JAM2: variants seen among roughly 807,000 people sequenced by gnomAD.
JAM2 encodes junctional adhesion molecule B.
In JAM2, 17 loss-of-function variants were observed where a neutral mutation model predicts 42.0. That is an observed-to-expected ratio of 0.40 (90% CI 0.28 to 0.61). The LOEUF (loss-of-function observed/expected upper bound fraction) is 0.61. Among genes scored for constraint, JAM2 ranks in the 20% least tolerant of loss-of-function variants. The pLI is 0.37. For synonymous variants in JAM2, 118 were observed against 128.6 expected (o/e 0.92, Z 0.56); for missense variants, 319 against 358.3 (o/e 0.89, Z 0.89).
At chr21:25,650,479 C>T (rs1055198100) in intron 1 of JAM2, among the ~76,000 whole-genome samples, 29 of 152,150 alleles carry the variant, frequency 1.9e-4, no homozygotes, top group Admixed American at 5.9e-4. Flanking sequence ...GCTACTGCCA[C>T]CCAGGACAGC....
At chr21:25,664,141 G>A (rs1403993746) in intron 1 of JAM2, among the ~76,000 whole-genome samples, 3 of 152,152 alleles carry the variant, frequency 2.0e-5, no homozygotes, top group Non-Finnish European at 2.9e-5. Flanking sequence ...CACATTGCCT[G>A]TTTCCCATGC....
intron 6 of JAM2, among the ~76,000 whole-genome samples, chr21:25,704,219 T>C (rs2034226187): frequency 6.6e-6 from 1 of 152,172 alleles, no homozygotes; most frequent in Non-Finnish European, 1.5e-5. Flanking sequence ...TAGATTTTTT[T>C]CTCTCTCTGC....
At chr21:25,691,728 T>C (rs546659079) in intron 3 of JAM2, among the ~76,000 whole-genome samples, 37 of 152,086 alleles carry the variant, frequency 2.4e-4, no homozygotes, top group Non-Finnish European at 5.0e-4. Flanking sequence ...TTGAGCTCAA[T>C]TCTTTAAAAT....
intron 4 of JAM2, among the ~76,000 whole-genome samples, chr21:25,697,002 CACCT>C (rs1469993295): frequency 6.8e-6 from 1 of 147,636 alleles, no homozygotes; most frequent in Non-Finnish European, 1.5e-5. Flanking sequence ...AACAGGCACA[CACCT>C]ATTTTTTTTT....
intron 2 of JAM2, among the ~76,000 whole-genome samples, chr21:25,686,741 C>A (rs1369236364): frequency 1.3e-5 from 2 of 152,174 alleles, no homozygotes; most frequent in African/African-American, 4.8e-5. Context: ...AGTATCAATT[C>A]TCTTTTTGTG....
chr21:25,661,523 C>T (rs2829853), intron 1 of JAM2, among the ~76,000 whole-genome samples: 17,355 of 147,868 alleles, frequency 0.12, 1,126 homozygotes, highest in South Asian at 0.27. Context: ...AGTGTACTCA[C>T]GTATAAGCAT....
At chr21:25,692,006 C>CAA (rs71327958) in intron 3 of JAM2, among the ~76,000 whole-genome samples, 20,154 of 140,342 alleles carry the variant, frequency 0.14, 1,596 homozygotes, top group South Asian at 0.23. Flanking sequence ...AAGACTGTCT[C>CAA]AAAAAAAAAA....
At chr21:25,657,738 T>C (rs1009211116) in intron 1 of JAM2, among the ~76,000 whole-genome samples, 6 of 152,218 alleles carry the variant, frequency 3.9e-5, no homozygotes, top group Admixed American at 1.3e-4. Flanking sequence ...AATGATTATT[T>C]GTATTGTTTA....
chr21:25,702,242 A>G lies in JAM2; in HGVS notation c.670A>G (p.Arg224Gly). 6.3e-7 allele frequency: 1 copy of G among 1,597,674 alleles called. No individual in the cohort carries two copies. ...AGCCCGCAATTCTGTTGGATATCGCAGGTGTCCTGGGAAACGAATGCAAGT... is the reference window on the plus strand; with the variant it reads ...AGCCCGCAATTCTGTTGGATATCGCGGGTGTCCTGGGAAACGAATGCAAGT... ...CEARNSVGYR[R>G]CPGKRMQVDD... The change falls in exon 6 of 10, where the codon AGG becomes GGG. Residue 224 changes from arginine to glycine, a missense_variant. By Grantham distance (125) the Arg-to-Gly change is moderately radical. Coordinates refer to ENST00000480456, the MANE Select transcript of JAM2 (RefSeq NM_021219.4).
chr21:25,658,030 A>G (rs1185552493), intron 1 of JAM2, among the ~76,000 whole-genome samples: 1 of 152,192 alleles, frequency 6.6e-6, no homozygotes, highest in Admixed American at 6.5e-5. Flanking sequence ...GGAATAATAT[A>G]TCAAAAAATA....
chr21:25,676,282 G>A (rs572689269), intron 1 of JAM2, among the ~76,000 whole-genome samples: 8 of 94,210 alleles, frequency 8.5e-5, no homozygotes, highest in South Asian at 4.6e-4. Flanking sequence ...AGAGAGACTC[G>A]TCTCAAAAAA....
chr21:25,697,720 AGT>A (rs2034068739), intron 4 of JAM2, among the ~76,000 whole-genome samples: 1 of 152,134 alleles, frequency 6.6e-6, no homozygotes, highest in Non-Finnish European at 1.5e-5. Flanking sequence ...TGGGCAACAT[AGT>A]GAGACCCTGT....
At chr21:25,640,062 C>A (rs1283829459) in intron 1 of JAM2, among the ~76,000 whole-genome samples, 174 bp downstream of exon 1, 1 of 152,222 alleles carries the variant, frequency 6.6e-6, no homozygotes. Context: ...CGAGCGGACG[C>A]TGGGAGCAAG....
intron 1 of JAM2, among the ~76,000 whole-genome samples, chr21:25,655,937 A>T (rs1238298078): frequency 2.7e-5 from 4 of 150,708 alleles, no homozygotes; most frequent in African/African-American, 7.4e-5. Flanking sequence ...AATGCCTTTT[A>T]AAAAAAGAGA....
chr21:25,703,970 C>T (rs977944775), intron 6 of JAM2, among the ~76,000 whole-genome samples: 2 of 151,982 alleles, frequency 1.3e-5, no homozygotes, highest in Non-Finnish European at 2.9e-5. Context: ...CAACTTAGCA[C>T]TTACAGAACA....
intron 4 of JAM2, among the ~76,000 whole-genome samples, chr21:25,696,560 T>A (rs2034040474): frequency 6.6e-6 from 1 of 152,218 alleles, no homozygotes; most frequent in Admixed American, 6.5e-5. Context: ...TAGTGTTACA[T>A]AACAACTAAA....
intron 1 of JAM2, among the ~76,000 whole-genome samples, chr21:25,661,936 T>A (rs1487361912): frequency 1.3e-5 from 2 of 152,060 alleles, no homozygotes; most frequent in South Asian, 4.1e-4. Context: ...TTGCAGAACA[T>A]GCTGCAGAAT....
At chr21:25,703,703 A>G (rs1312885463) in intron 6 of JAM2, among the ~76,000 whole-genome samples, 1 of 151,828 alleles carries the variant, frequency 6.6e-6, no homozygotes. Flanking sequence ...TGGGCCTTTC[A>G]GCAGTTTAGT....
chr21:25,683,837 G>A, intron 1 of JAM2, 46 bp from the exon 2 acceptor site: 1 of 1,380,410 alleles, frequency 7.2e-7, no homozygotes, highest in South Asian at 1.2e-5. Flanking sequence ...ATTTGAAAAT[G>A]AACTTTTGTA....
Sources: gnomAD v4.1 joint callset for allele counts (sites outside exome capture counted in the v4.1 genomes callset) on GRCh38, gnomAD v4.1.1 for gene constraint, MANE v1.5 for transcripts, NCBI Gene and HGNC (gene_info 2026-07-23, HGNC 2026-07-21) for gene names.